Variants in LPAR1 observed in about 807,000 individuals in gnomAD.
LPAR1 encodes the protein lysophosphatidic acid receptor 1.
A neutral mutation model predicts 23.8 loss-of-function variants in LPAR1; 5 were observed. That is an observed-to-expected ratio of 0.21 (90% CI 0.11 to 0.44). The LOEUF is 0.44. Ranked by LOEUF, LPAR1 falls within the 20% of genes least tolerant of loss-of-function variation. LPAR1 has a pLI of 0.99. For missense variants in LPAR1, 311 were observed against 482.8 expected, an observed-to-expected ratio of 0.64 and a Z score of 3.33; for synonymous variants, 160 against 164.7, an observed-to-expected ratio of 0.97 and a Z score of 0.22.
chr9:111,026,408 C>G (rs950386334), intron 2 of LPAR1, among the ~76,000 whole-genome samples: 2 of 152,182 alleles, frequency 1.3e-5, no homozygotes, highest in Non-Finnish European at 2.9e-5. Flanking sequence ...AGTTGCTTAT[C>G]AGCTTAAGGA....
chr9:110,998,978 T>C (rs1288650691), intron 2 of LPAR1, among the ~76,000 whole-genome samples: 2 of 152,326 alleles, frequency 1.3e-5, no homozygotes, highest in South Asian at 4.1e-4. Context: ...AACTCCTATA[T>C]ACTATGTTAT....
intron 2 of LPAR1, among the ~76,000 whole-genome samples, chr9:110,995,585 A>G (rs926359827): frequency 1.3e-5 from 2 of 152,192 alleles, no homozygotes; most frequent in Non-Finnish European, 2.9e-5. Flanking sequence ...AGGATGAATT[A>G]TTCCCAGCTG....
intron 5 of LPAR1, among the ~76,000 whole-genome samples, chr9:110,908,308 T>C (rs1407719862): frequency 6.7e-6 from 1 of 149,116 alleles, no homozygotes; most frequent in African/African-American, 2.4e-5. Context: ...TAATAAACTA[T>C]TAACAAATTA....
intron 5 of LPAR1, among the ~76,000 whole-genome samples, chr9:110,912,016 G>T (rs2092506459): frequency 6.6e-6 from 1 of 152,182 alleles, no homozygotes; most frequent in African/African-American, 2.4e-5. Context: ...CTAAAAGGCA[G>T]AAACCCTTGG....
At chr9:110,884,235 G>A (rs952344643) in intron 5 of LPAR1, among the ~76,000 whole-genome samples, 5 of 151,976 alleles carry the variant, frequency 3.3e-5, no homozygotes, top group South Asian at 2.1e-4. Flanking sequence ...GCCTTTGTAC[G>A]TGTTTGCTCT....
chr9:110,961,162 C>T (rs977002677), intron 4 of LPAR1, among the ~76,000 whole-genome samples: 3 of 150,346 alleles, frequency 2.0e-5, no homozygotes, highest in Non-Finnish European at 4.4e-5. Flanking sequence ...TTTTAAAAAG[C>T]AGCACTTAAT....
chr9:110,905,190 C>T (rs1300651671), intron 5 of LPAR1, among the ~76,000 whole-genome samples: 1 of 152,196 alleles, frequency 6.6e-6, no homozygotes, highest in East Asian at 1.9e-4. Context: ...ACTTAACATG[C>T]TCTCACTTCT....
intron 2 of LPAR1, among the ~76,000 whole-genome samples, chr9:111,008,743 G>C (rs1169020775): frequency 1.3e-5 from 2 of 152,052 alleles, no homozygotes; most frequent in African/African-American, 4.8e-5. Context: ...TAATAAACTG[G>C]GGATGACCTG....
intron 5 of LPAR1, among the ~76,000 whole-genome samples, chr9:110,940,619 C>G (rs1588442815): frequency 6.6e-6 from 1 of 152,204 alleles, no homozygotes; most frequent in East Asian, 1.9e-4. Context: ...AACTCTCACT[C>G]TACTCTCAGC....
intron 5 of LPAR1, among the ~76,000 whole-genome samples, chr9:110,927,869 T>C (rs1281664663): frequency 1.3e-5 from 2 of 152,116 alleles, no homozygotes; most frequent in Non-Finnish European, 2.9e-5. Context: ...CTGAAACTCG[T>C]AGCAAACTAG....
rs566299453 is a variant in LPAR1, at chr9:110,983,370, C to A, written c.-181-9812G>T. ...TGGCATATGCTATGACATGGATGAA[C>A]CCTGAAGACATTATGCTAAGTGAAA... On this transcript the variant is annotated intron_variant, in intron 2 of 5. Transcript: ENST00000683809. Among the ~76,000 whole-genome samples, 7 of 152,098 alleles carry A rather than the reference C, an allele frequency of 4.6e-5. No homozygotes were observed. In the East Asian group the frequency reaches 1.4e-3, roughly 29 times the overall value.
intron 4 of LPAR1, among the ~76,000 whole-genome samples, chr9:110,956,224 T>C (rs1449831741): frequency 9.8e-5 from 2 of 20,460 alleles, no homozygotes; most frequent in Non-Finnish European, 1.8e-4. Context: ...ACACCACACA[T>C]GGGGGCCTGT....
chr9:110,982,861 T>TACACACACACACAC (rs55748505), intron 2 of LPAR1, among the ~76,000 whole-genome samples: 32 of 140,058 alleles, frequency 2.3e-4, no homozygotes, highest in South Asian at 4.7e-4. Context: ...TATATACACA[T>TACACACACACACAC]ACACACACAC....
intron 5 of LPAR1, among the ~76,000 whole-genome samples, chr9:110,931,900 T>C (rs999172709): frequency 2.0e-5 from 3 of 152,198 alleles, no homozygotes; most frequent in African/African-American, 4.8e-5. Context: ...TTGGTACCAG[T>C]ACCATGCTGT....
At chr9:111,038,621 G>GC (rs1564409382), upstream of LPAR1, 3 of 454,968 alleles carry the variant, frequency 6.6e-6, no homozygotes, top group Non-Finnish European at 1.3e-5. This position sits in a 1 kb window ranked among gnomAD's most constrained non-coding sequence, Gnocchi z 4.4. Flanking sequence ...CCCAGAGTCC[G>GC]CCCTCCCCGC....
At chr9:110,980,792 C>T (rs1029030501) in intron 2 of LPAR1, among the ~76,000 whole-genome samples, 4 of 151,742 alleles carry the variant, frequency 2.6e-5, no homozygotes, top group East Asian at 1.9e-4. Context: ...GACTGTTACC[C>T]GTATAAAGAA....
At chr9:111,012,488 CACACACAT>C (rs1588858171) in intron 2 of LPAR1, among the ~76,000 whole-genome samples, 2 of 151,822 alleles carry the variant, frequency 1.3e-5, no homozygotes, top group South Asian at 4.2e-4. Context: ...CACACACACA[CACACACAT>C]ACACACTCAG....
rs550006188 is a variant in LPAR1, at chr9:111,014,306, A to C, written c.-182+21816T>G. On this transcript the variant is annotated intron_variant, in intron 2 of 5. Coordinates refer to ENST00000683809, the MANE Select transcript of LPAR1 (RefSeq NM_001351411.2). ...ATGCATTCTAATCTCAGGTGAGCCC[A>C]AAAAGAGAAGCCATCAGTGCTGCCA... 1.3e-3 allele frequency among the ~76,000 whole-genome samples: 205 copies of C among 152,272 alleles called. 1 individual carries two copies. The highest frequency in any genetic ancestry group is 4.8e-3 in the African/African-American group (198 of 41,554).
At chr9:110,927,901 T>C (rs1223780179) in intron 5 of LPAR1, among the ~76,000 whole-genome samples, 1 of 152,138 alleles carries the variant, frequency 6.6e-6, no homozygotes, top group Non-Finnish European at 1.5e-5. Flanking sequence ...CTGTGCTATA[T>C]GTTGAAGGGA....
Sources: allele counts gnomAD v4.1 joint callset (sites outside exome capture counted in the v4.1 genomes callset), GRCh38; gene constraint gnomAD v4.1.1; non-coding constraint Gnocchi (gnomAD v3.1); transcripts MANE v1.5; gene names NCBI Gene and HGNC (gene_info 2026-07-23, HGNC 2026-07-21).